The following PTK2 variants were observed in gnomAD, a reference collection of about 807,000 sequenced individuals.
The protein encoded by PTK2 is focal adhesion kinase 1.
A neutral mutation model predicts 150.1 loss-of-function variants in PTK2; 45 were observed. The ratio of observed to expected loss-of-function variants is 0.30; its 90% CI spans 0.24 to 0.38. The LOEUF (loss-of-function observed/expected upper bound fraction) is 0.38. PTK2 is among the 10% of genes least tolerant of loss of function. PTK2 has a pLI of 1.00. For missense variants in PTK2, 919 were observed against 1,307.3 expected, an observed-to-expected ratio of 0.70 and a Z score of 4.58; for synonymous variants, 432 against 449.2, an observed-to-expected ratio of 0.96 and a Z score of 0.48.
Position 140,831,883 on chromosome 8 carries a change from A to T in PTK2, c.594-1357T>A, listed in dbSNP as rs143916276. Among the ~76,000 whole-genome samples the T allele has an allele frequency of 3.3e-3, 502 of 152,310 alleles. 4 individuals carry two copies. The highest frequency in any genetic ancestry group is 0.011 in the African/African-American group (475 of 41,570). On this transcript the variant is annotated intron_variant, in intron 7 of 31. Coordinates refer to ENST00000522684, the Ensembl canonical transcript of PTK2. ...CTCCTTTTCATTTTGCCTCCTAAAAACACAGGGTCTTTGCATTTTAAGAAT... is the reference window on the plus strand; with the variant it reads ...CTCCTTTTCATTTTGCCTCCTAAAATCACAGGGTCTTTGCATTTTAAGAAT...
intron 22 of PTK2, among the ~76,000 whole-genome samples, chr8:140,730,950 TAA>T (rs1295237963): frequency 1.0e-5 from 1 of 97,312 alleles, no homozygotes; most frequent in Non-Finnish European, 2.0e-5. Flanking sequence ...GGAATTAAAT[TAA>T]ACCCCCCCCC....
intron 23 of PTK2, among the ~76,000 whole-genome samples, chr8:140,706,455 A>C (rs892046085): frequency 1.3e-5 from 2 of 152,256 alleles, no homozygotes; most frequent in African/African-American, 2.4e-5. Context: ...AAAATGAATT[A>C]CAGGTACAGG....
chr8:140,664,230 C>T (rs1477285632), intron 31 of PTK2, among the ~76,000 whole-genome samples: 1 of 152,168 alleles, frequency 6.6e-6, no homozygotes, highest in African/African-American at 2.4e-5. Flanking sequence ...GATCTGTCCG[C>T]CTCAGCCTCC....
intron 12 of PTK2, 110 bp downstream of exon 12, chr8:140,800,349 T>C: frequency 1.1e-6 from 1 of 876,370 alleles, no homozygotes; most frequent in Non-Finnish European, 1.9e-6. Context: ...ATTATTCATT[T>C]GGTCTTCATT....
chr8:140,756,970 C>T (rs1020589730), intron 16 of PTK2, among the ~76,000 whole-genome samples: 8 of 146,422 alleles, frequency 5.5e-5, no homozygotes, highest in African/African-American at 1.8e-4. Flanking sequence ...GCCTGGGCAA[C>T]AGAGCGATAC....
chr8:140,879,380 A>T, intron 4 of PTK2, 91 bp downstream of exon 4: 1 of 1,333,792 alleles, frequency 7.5e-7, no homozygotes, highest in Non-Finnish European at 1.0e-6. Flanking sequence ...GCAGTGTGAA[A>T]ATTAAACATA....
intron 10 of PTK2, among the ~76,000 whole-genome samples, chr8:140,807,218 C>T (rs1180259075): frequency 1.3e-5 from 2 of 152,274 alleles, no homozygotes; most frequent in East Asian, 3.9e-4. Context: ...ACCATTACAA[C>T]TGTGATAAGG....
At chr8:140,669,809 A>C (rs1487360001) in intron 29 of PTK2, 74 bp from the exon 33 acceptor site, 1 of 1,433,976 alleles carries the variant, frequency 7.0e-7, no homozygotes, top group East Asian at 2.5e-5. Flanking sequence ...AACAATATTA[A>C]TAAAGGCATA....
chr8:140,962,045 C>T (rs1040939640), intron 1 of PTK2, among the ~76,000 whole-genome samples: 3 of 151,826 alleles, frequency 2.0e-5, no homozygotes, highest in Admixed American at 1.3e-4. Context: ...GAGTTCAAGA[C>T]CAGCCTGGCC....
intron 28 of PTK2, 93 bp from the exon 32 acceptor site, chr8:140,674,497 T>C (rs1221148539): frequency 8.5e-7 from 1 of 1,180,536 alleles, no homozygotes; most frequent in Non-Finnish European, 1.2e-6. Context: ...CTCAGCACTT[T>C]GGGAGGCTGA....
At chr8:140,863,978 G>A (rs2100137810) in intron 5 of PTK2, among the ~76,000 whole-genome samples, 1 of 152,106 alleles carries the variant, frequency 6.6e-6, no homozygotes. Flanking sequence ...AATTTTATAT[G>A]GGTATAGTTG....
intron 5 of PTK2, among the ~76,000 whole-genome samples, chr8:140,855,311 G>C (rs1201393365): frequency 6.6e-6 from 1 of 152,042 alleles, no homozygotes; most frequent in Non-Finnish European, 1.5e-5. Context: ...AAAAGGGGGG[G>C]GTCGCCACGT....
chr8:140,893,428 G>A (rs2100154889), intron 2 of PTK2, among the ~76,000 whole-genome samples: 1 of 152,214 alleles, frequency 6.6e-6, no homozygotes, highest in Non-Finnish European at 1.5e-5. Flanking sequence ...TTAACAAAAT[G>A]TGGTATGCCC....
chr8:140,738,635 A>AG (rs1346016483), intron 21 of PTK2, among the ~76,000 whole-genome samples: 1 of 152,204 alleles, frequency 6.6e-6, no homozygotes, highest in Non-Finnish European at 1.5e-5. Context: ...TCCGGGTTGG[A>AG]GGGGCCAAGT....
chr8:140,868,547 C>T (rs1300600388), intron 4 of PTK2, among the ~76,000 whole-genome samples: 1 of 152,090 alleles, frequency 6.6e-6, no homozygotes, highest in Non-Finnish European at 1.5e-5. Context: ...AGTGGAGAAA[C>T]CTGGCTTCCA....
intron 8 of PTK2, among the ~76,000 whole-genome samples, chr8:140,829,867 T>C (rs550714382): frequency 2.5e-4 from 38 of 152,258 alleles, no homozygotes; most frequent in African/African-American, 8.7e-4. Context: ...CTAAAGTTTG[T>C]ATCCCCTGCT....
intron 7 of PTK2, among the ~76,000 whole-genome samples, chr8:140,836,166 C>A (rs949072990): frequency 1.3e-5 from 2 of 152,074 alleles, no homozygotes; most frequent in South Asian, 2.1e-4. Context: ...TACTTAGAAG[C>A]TGGGGATGTT....
chr8:140,751,865 A>G (rs2100062912), intron 17 of PTK2: 1 of 518,290 alleles, frequency 1.9e-6, no homozygotes, highest in Admixed American at 2.0e-5. Context: ...CTAGTCTATG[A>G]GCTCCATCAG....
rs376967321 is a variant in PTK2 at position 140,809,761 on chromosome 8, G to A, written c.868-6111C>T. 2.3e-4 allele frequency among the ~76,000 whole-genome samples: 35 copies of A among 152,324 alleles called. No individual in the cohort carries two copies. The East Asian group carries it at 5.0e-3, about 22-fold the overall frequency. On this transcript the variant is annotated intron_variant, in intron 10 of 31. Transcript: ENST00000522684. Reference sequence around the variant, plus strand: ...GCAGAGGTTGCAGTAAGCCTTGATCGTGCCACTGAATTCCAGCCTGGGTGA... The same window carrying A: ...GCAGAGGTTGCAGTAAGCCTTGATCATGCCACTGAATTCCAGCCTGGGTGA...
Sources: allele counts gnomAD v4.1 joint callset (sites outside exome capture counted in the v4.1 genomes callset), GRCh38; gene constraint gnomAD v4.1.1; transcripts MANE v1.5; gene names NCBI Gene and HGNC (gene_info 2026-07-23, HGNC 2026-07-21).